Variants in PLEKHB2 observed in about 807,000 individuals in gnomAD.
The protein encoded by PLEKHB2 is pleckstrin homology domain-containing family B member 2.
A neutral mutation model predicts 36.5 loss-of-function variants in PLEKHB2; 31 were observed. The observed-to-expected ratio is 0.85, with a 90% CI of 0.64 to 1.15. PLEKHB2 has a LOEUF of 1.15. Among genes scored for constraint, PLEKHB2 ranks in the 50% most tolerant of loss-of-function variants. The pLI, the probability that PLEKHB2 is intolerant of heterozygous loss-of-function variation, is 0.00. For missense variants in PLEKHB2, 262 were observed against 295.3 expected (o/e 0.89, Z 0.83); for synonymous variants, 119 against 112.0 (o/e 1.06, Z -0.39).
chr2:131,143,441 C>A (rs969858668), intron 7 of PLEKHB2, among the ~76,000 whole-genome samples: 1 of 152,218 alleles, frequency 6.6e-6, no homozygotes, highest in Admixed American at 6.5e-5. Flanking sequence ...TCTACCTCAG[C>A]CTCCTTTCTC....
chr2:131,107,406 G>A (rs1694846373), intron 1 of PLEKHB2: 2 of 152,228 alleles, frequency 1.3e-5, no homozygotes, highest in South Asian at 2.1e-4. Context: ...TGCCACGTGG[G>A]AACTGACCTC....
At chr2:131,112,717 A>G (rs1249651601) in intron 1 of PLEKHB2, among the ~76,000 whole-genome samples, 5 of 152,166 alleles carry the variant, frequency 3.3e-5, no homozygotes, top group Admixed American at 3.3e-4. Flanking sequence ...TGAGGGTCAC[A>G]TTGTGTAACT....
chr2:131,121,603 T>G (rs1696526640), intron 2 of PLEKHB2, among the ~76,000 whole-genome samples: 1 of 152,140 alleles, frequency 6.6e-6, no homozygotes. Context: ...TGAGCCCAGC[T>G]GAGATACTGG....
At chr2:131,125,198 G>T (rs1696973394) in intron 2 of PLEKHB2, among the ~76,000 whole-genome samples, 1 of 152,238 alleles carries the variant, frequency 6.6e-6, no homozygotes, top group Admixed American at 6.5e-5. Context: ...AATTTAGAAA[G>T]TTGAAAAGTT....
chr2:131,105,529 G>A (rs1040601287), intron 1 of PLEKHB2, 131 bp downstream of exon 1: 7 of 153,260 alleles, frequency 4.6e-5, no homozygotes, highest in South Asian at 2.0e-4. Context: ...CACCTCCGCG[G>A]TGTCCCCACT....
intron 4 of PLEKHB2, among the ~76,000 whole-genome samples, chr2:131,129,783 G>A (rs1048126970): frequency 6.7e-5 from 7 of 104,662 alleles, no homozygotes; most frequent in Admixed American, 2.4e-4. Flanking sequence ...GATTACAGGC[G>A]TGAGAGACTG....
chr2:131,105,651 C>T (rs1009969097), intron 1 of PLEKHB2, among the ~76,000 whole-genome samples: 4 of 152,242 alleles, frequency 2.6e-5, no homozygotes, highest in African/African-American at 7.2e-5. Flanking sequence ...ATTCGAGAGC[C>T]CTCCCAGTGG....
intron 7 of PLEKHB2, chr2:131,144,411 C>T (rs1699083706): frequency 1.6e-6 from 2 of 1,227,218 alleles, no homozygotes; most frequent in East Asian, 6.3e-5. Flanking sequence ...CTTGTAGAGA[C>T]CATCCTCATG....
chr2:131,125,924 G>GCCAACTT lies in PLEKHB2; in HGVS notation c.190+21_190+27dup. On this transcript the variant is annotated intron_variant, in intron 3 of 7. Coordinates refer to ENST00000693505, the MANE Select transcript of PLEKHB2 (RefSeq NM_001100623.2). ...TGTCGGGGTAAGCTGGCCTGTCTTG[G>GCCAACTT]CCAACTTCTGTCTTCTGCTCTTCCT... 1 of 1,608,698 alleles carries GCCAACTT rather than the reference G, an allele frequency of 6.2e-7. No homozygotes were observed. The highest frequency in any genetic ancestry group is 2.2e-5 in the East Asian group (1 of 44,808).
At position 131,140,285 on chromosome 2, in the gene PLEKHB2, G is replaced by C. The variant is rs757274330; in HGVS notation, c.532+10G>C. ...CAGTACCCATATGCAGGTAACTCAC[G>C]CCGGCCTTTCATTCCTCATTTCTCT... On this transcript the variant is annotated intron_variant, in intron 7 of 7. Transcript: ENST00000693505. The C allele has an allele frequency of 2.8e-6, 4 of 1,454,220 alleles. No homozygotes were observed. Among genetic ancestry groups the C allele is most frequent in the Non-Finnish European group, 3.9e-6 (4 of 1,037,780 alleles). 90.1% of individuals were successfully genotyped at this position (1,454,220 alleles called of 1,614,324 possible).
At chr2:131,106,537 G>GCA (rs1318215591) in intron 1 of PLEKHB2, among the ~76,000 whole-genome samples, 9 of 152,324 alleles carry the variant, frequency 5.9e-5, no homozygotes, top group African/African-American at 2.2e-4. Context: ...GTGCGTCTGT[G>GCA]CCCATGCAGT....
At chr2:131,122,894 T>G (rs1240649919) in intron 2 of PLEKHB2, among the ~76,000 whole-genome samples, 3 of 152,214 alleles carry the variant, frequency 2.0e-5, no homozygotes, top group Non-Finnish European at 4.4e-5. Flanking sequence ...AACGTCCCCA[T>G]GGTCAGGGGA....
rs752888117 is a variant in PLEKHB2, at chr2:131,146,719, G to C, written c.615G>C (p.Met205Ile). 6.8e-6 allele frequency: 11 copies of C among 1,613,832 alleles called. No homozygotes were observed. In the South Asian group the frequency reaches 1.2e-4, roughly 18 times the overall value. ...RDNDSDLALGMLAGAATGMAL... is the reference protein window; with the variant it reads ...RDNDSDLALGILAGAATGMAL... Reference sequence around the variant, plus strand: ...ACGACAGCGACCTGGCACTGGGCATGCTGGCAGGAGCAGCCACGGGCATGG... The same window carrying C: ...ACGACAGCGACCTGGCACTGGGCATCCTGGCAGGAGCAGCCACGGGCATGG... Residue 205 changes from methionine (M) to isoleucine (I), a missense_variant, in exon 8 of 8, where the codon ATG (methionine) becomes ATC (isoleucine). Coordinates refer to ENST00000693505, the MANE Select transcript of PLEKHB2 (RefSeq NM_001100623.2).
intron 7 of PLEKHB2, among the ~76,000 whole-genome samples, chr2:131,145,709 A>C (rs1699218205): frequency 6.6e-6 from 1 of 152,214 alleles, no homozygotes. Flanking sequence ...GAGCAGTTTG[A>C]AAGCTACTTA....
chr2:131,116,058 C>T (rs1427928560), intron 1 of PLEKHB2, among the ~76,000 whole-genome samples: 1 of 152,212 alleles, frequency 6.6e-6, no homozygotes, highest in African/African-American at 2.4e-5. Context: ...AGAGGAATTA[C>T]TCTTTTAAAA....
chr2:131,113,696 C>T (rs1026709073), intron 1 of PLEKHB2, among the ~76,000 whole-genome samples: 7 of 152,088 alleles, frequency 4.6e-5, no homozygotes, highest in South Asian at 2.1e-4. Context: ...TTGCTCTGAG[C>T]TAGAGTCTGA....
intron 7 of PLEKHB2, 113 bp from the exon 8 acceptor site, chr2:131,146,524 C>T: frequency 8.9e-7 from 1 of 1,121,408 alleles, no homozygotes; most frequent in Non-Finnish European, 1.3e-6. Context: ...GGCTGGGTCG[C>T]CAGTGTGACA....
At chr2:131,116,257 A>G (rs552861215) in intron 1 of PLEKHB2, among the ~76,000 whole-genome samples, 7 of 152,178 alleles carry the variant, frequency 4.6e-5, no homozygotes, top group African/African-American at 7.2e-5. Context: ...TTGTTTCCCA[A>G]GTCTGCTGTT....
chr2:131,130,212 G>A (rs1697540844), intron 4 of PLEKHB2, among the ~76,000 whole-genome samples: 1 of 151,800 alleles, frequency 6.6e-6, no homozygotes, highest in South Asian at 2.1e-4. Flanking sequence ...CCCGGCTAAT[G>A]TTTATATTTT....
Sources: gnomAD v4.1 joint callset for allele counts (sites outside exome capture counted in the v4.1 genomes callset) on GRCh38, gnomAD v4.1.1 for gene constraint, MANE v1.5 for transcripts, NCBI Gene and HGNC (gene_info 2026-07-23, HGNC 2026-07-21) for gene names.